DLG1: variants seen among roughly 807,000 people sequenced by gnomAD.
The protein encoded by DLG1 is disks large homolog 1.
DLG1 carries 42 observed loss-of-function variants against 123.4 expected under a neutral mutation model. The ratio of observed to expected loss-of-function variants is 0.34; its 90% confidence interval spans 0.27 to 0.44. The LOEUF (loss-of-function observed/expected upper bound fraction) is 0.44. DLG1 is among the 20% of genes least tolerant of loss of function. The pLI is 1.00. For synonymous variants in DLG1, 317 were observed against 356.2 expected (o/e 0.89, Z 1.24); for missense variants, 942 against 1,082.6 (o/e 0.87, Z 1.82).
intron 5 of DLG1, chr3:197,183,432 C>A (rs910676931): frequency 2.6e-6 from 2 of 768,100 alleles, no homozygotes; most frequent in African/African-American, 3.5e-5. Flanking sequence ...TAAAGACCTA[C>A]ACGGATGGAC....
chr3:197,296,841 C>A (rs563936208), intron 2 of DLG1: 3 of 305,492 alleles, frequency 9.8e-6, no homozygotes, highest in East Asian at 6.0e-5. Context: ...AAATTTTTAA[C>A]ATTTCAAAAT....
intron 5 of DLG1, among the ~76,000 whole-genome samples, chr3:197,151,435 T>C (rs1793806857): frequency 6.6e-6 from 1 of 152,182 alleles, no homozygotes; most frequent in Non-Finnish European, 1.5e-5. Flanking sequence ...ATTCTATTCA[T>C]TTAGAAAGTC....
intron 19 of DLG1, chr3:197,068,440 C>T (rs532774174): frequency 3.9e-5 from 42 of 1,072,936 alleles, no homozygotes; most frequent in Middle Eastern, 2.1e-4. Flanking sequence ...AAATGAATGA[C>T]GGTTAAAAGT....
chr3:197,274,107 T>A (rs1765257914), intron 4 of DLG1, among the ~76,000 whole-genome samples: 1 of 152,112 alleles, frequency 6.6e-6, no homozygotes, highest in East Asian at 1.9e-4. Context: ...AAAACAAGCC[T>A]AAAATTCATA....
intron 14 of DLG1, among the ~76,000 whole-genome samples, chr3:197,098,896 G>A (rs1329767326): frequency 7.2e-5 from 11 of 152,026 alleles, no homozygotes; most frequent in African/African-American, 2.4e-4. Context: ...AACATACTTC[G>A]GCATTTTAAA....
At chr3:197,278,006 C>T (rs1051064760) in intron 4 of DLG1, among the ~76,000 whole-genome samples, 4 of 151,568 alleles carry the variant, frequency 2.6e-5, no homozygotes, top group African/African-American at 7.3e-5. Flanking sequence ...GTTTTGGGGT[C>T]GGGCATGGTG....
Position 197,278,083 on chromosome 3 carries a change from G to C in DLG1, c.318+4596C>G, listed in dbSNP as rs547357156. 8.6e-5 allele frequency among the ~76,000 whole-genome samples: 13 copies of C among 151,776 alleles called. No homozygotes were observed. The East Asian group carries it at 1.9e-3, about 23-fold the overall frequency. On this transcript the variant is annotated intron_variant, in intron 4 of 24. Coordinates refer to ENST00000667157, the MANE Select transcript of DLG1 (RefSeq NM_001366207.1). The stretch of plus-strand genomic sequence containing the variant: ...GTGGATCACCTGAGGTCAAGAGTTT[G>C]AGACCAGCCTGGCCAACATGGTGAA...
intron 12 of DLG1, among the ~76,000 whole-genome samples, chr3:197,116,630 G>A (rs539561620): frequency 1.5e-4 from 23 of 152,254 alleles, no homozygotes; most frequent in Non-Finnish European, 2.9e-4. Context: ...TCTAGAGACA[G>A]ACAAACCTTA....
At chr3:197,046,336 C>T (rs1723033742) in intron 24 of DLG1, among the ~76,000 whole-genome samples, 1 of 151,998 alleles carries the variant, frequency 6.6e-6, no homozygotes, top group Non-Finnish European at 1.5e-5. Flanking sequence ...TTTGTAAATT[C>T]ATTAATGGAA....
At chr3:197,175,538 T>C (rs1224358468) in intron 5 of DLG1, among the ~76,000 whole-genome samples, 1 of 152,214 alleles carries the variant, frequency 6.6e-6, no homozygotes, top group Non-Finnish European at 1.5e-5. Context: ...TACATAAAAA[T>C]GGCTTGGGAA....
At chr3:197,295,512 GAAGAGACAA>G (rs1777000223) in intron 3 of DLG1, among the ~76,000 whole-genome samples, 1 of 152,004 alleles carries the variant, frequency 6.6e-6, no homozygotes, top group South Asian at 2.1e-4. Context: ...CTTAGAATTG[GAAGAGACAA>G]ACTTTCTAGT....
rs537469718 is a variant in DLG1 at position 197,196,934 on chromosome 3, G to T, written c.319-2345C>A. 2.0e-5 allele frequency among the ~76,000 whole-genome samples: 3 copies of T among 152,282 alleles called. No individual in the cohort carries two copies. The East Asian group carries it at 5.8e-4, about 29-fold the overall frequency. On this transcript the variant is annotated intron_variant, in intron 4 of 24. Coordinates refer to ENST00000667157, the MANE Select transcript of DLG1 (RefSeq NM_001366207.1). ...TGTATGTATCATTATATATGTGTATGTGTGTATCCATGCTTATGAATGTAC... is the reference window on the plus strand; with the variant it reads ...TGTATGTATCATTATATATGTGTATTTGTGTATCCATGCTTATGAATGTAC...
At chr3:197,275,958 G>C (rs1203645729) in intron 4 of DLG1, among the ~76,000 whole-genome samples, 2 of 152,058 alleles carry the variant, frequency 1.3e-5, no homozygotes, top group African/African-American at 4.8e-5. Flanking sequence ...CATTAAACAT[G>C]GTATGCATGT....
chr3:197,044,512 G>C lies in DLG1; in HGVS notation c.*111C>G, dbSNP rs2148625490. The C allele has an allele frequency of 3.2e-6, 2 of 629,512 alleles. No homozygotes were observed. Among genetic ancestry groups the C allele is most frequent in the East Asian group, 5.5e-5 (2 of 36,084 alleles). 39.0% of individuals were successfully genotyped at this position (629,512 alleles called of 1,614,324 possible). A position where few individuals can be genotyped will look rare whatever the true frequency, so the allele number is the denominator to read the frequency against. ...AAAGAAGCTGCAGACCATGATGTGT[G>C]GGATACAATTCAACATGAAATCAGT... On this transcript the variant is annotated 3_prime_UTR_variant, in exon 25 of 25. Transcript: ENST00000667157.
chr3:197,298,313 C>G, intron 1 of DLG1: 1 of 392,920 alleles, frequency 2.5e-6, no homozygotes, highest in Non-Finnish European at 4.5e-6. Flanking sequence ...CTAAGGGAAC[C>G]TCTTCGCTTA....
intron 24 of DLG1, among the ~76,000 whole-genome samples, chr3:197,050,009 C>T (rs1726203645): frequency 6.6e-6 from 1 of 151,694 alleles, no homozygotes. Flanking sequence ...TGCAGTGAGC[C>T]ATGATCATGA....
At chr3:197,278,250 T>C (rs113590740) in intron 4 of DLG1, among the ~76,000 whole-genome samples, 1 of 119,094 alleles carries the variant, frequency 8.4e-6, no homozygotes, top group African/African-American at 3.3e-5. Context: ...ACCATTGCAC[T>C]CTAGCCTCGG....
chr3:197,222,242 A>G (rs1737500016), intron 4 of DLG1, among the ~76,000 whole-genome samples: 2 of 152,174 alleles, frequency 1.3e-5, no homozygotes, highest in Admixed American at 1.3e-4. Flanking sequence ...ATACGCAGAC[A>G]TCTACTAGCT....
In DLG1 at chr3:197,183,012, CTAGA is replaced by C. The variant is rs925574840; in HGVS notation, c.483+11409_483+11412del. On this transcript the variant is annotated intron_variant, in intron 5 of 24. Transcript: ENST00000667157. ...CAAGTTCACTTAATTTCAAATTAAG[CTAGA>C]TAAATAATATTTACAAAAAACGATT... 8.0e-4 allele frequency among the ~76,000 whole-genome samples: 122 copies of C among 152,050 alleles called. 2 individuals are homozygous for C. Among genetic ancestry groups the C allele is most frequent in the Non-Finnish European group, 1.6e-4 (11 of 67,948 alleles).
Sources: allele counts gnomAD v4.1 joint callset (sites outside exome capture counted in the v4.1 genomes callset), GRCh38; gene constraint gnomAD v4.1.1; transcripts MANE v1.5; gene names NCBI Gene and HGNC (gene_info 2026-07-23, HGNC 2026-07-21).